The following NREP variants were observed in gnomAD, a reference collection of about 807,000 sequenced individuals.
The protein encoded by NREP is neuronal regeneration-related protein.
A neutral mutation model predicts 8.6 loss-of-function variants in NREP; 5 were observed. The observed-to-expected ratio is 0.58, with a 90% CI of 0.30 to 1.22. The LOEUF is 1.22. NREP is among the 50% of genes most tolerant of loss of function. The probability of loss-of-function intolerance (pLI) is 0.07; values close to 1 mark genes in which losing one functional copy is unlikely to be tolerated. For missense variants in NREP, 86 were observed against 82.5 expected (o/e 1.04, Z -0.17); for synonymous variants, 27 against 28.0 (o/e 0.96, Z 0.11).
chr5:111,932,624 T>C (rs1319314457), intron 2 of NREP, among the ~76,000 whole-genome samples: 2 of 152,138 alleles, frequency 1.3e-5, no homozygotes, highest in Admixed American at 1.3e-4. Context: ...CCTTTTAAAA[T>C]GTTTATTTTA....
intron 2 of NREP, among the ~76,000 whole-genome samples, chr5:111,746,015 G>A (rs750491171): frequency 5.5e-4 from 84 of 151,780 alleles, no homozygotes; most frequent in Non-Finnish European, 1.0e-3. Flanking sequence ...ATTGCAGGTA[G>A]AGTACTGTAT....
chr5:111,744,519 A>C (rs1749880903), intron 2 of NREP, among the ~76,000 whole-genome samples: 1 of 152,058 alleles, frequency 6.6e-6, no homozygotes, highest in Non-Finnish European at 1.5e-5. Flanking sequence ...TTCTAAGAAA[A>C]CTGTCAGAAA....
chr5:111,911,139 T>A (rs543977520), intron 2 of NREP, among the ~76,000 whole-genome samples: 1 of 152,150 alleles, frequency 6.6e-6, no homozygotes, highest in East Asian at 1.9e-4. Context: ...CCCAGCAATC[T>A]GGATATCACC....
intron 2 of NREP, among the ~76,000 whole-genome samples, chr5:111,925,677 A>G (rs760553593): frequency 6.6e-6 from 1 of 152,190 alleles, no homozygotes; most frequent in Non-Finnish European, 1.5e-5. Flanking sequence ...AAGGCCTCTT[A>G]GCCTTTCCAT....
At chr5:111,762,794 G>A (rs1481539769) in intron 2 of NREP, among the ~76,000 whole-genome samples, 2 of 152,172 alleles carry the variant, frequency 1.3e-5, no homozygotes, top group South Asian at 2.1e-4. Context: ...TATCGCAACC[G>A]TGGGAAACTA....
At chr5:111,729,003 C>T (rs1203117811), downstream of NREP, 1 of 151,914 alleles carries the variant, frequency 6.6e-6, no homozygotes, top group Non-Finnish European at 1.5e-5. Context: ...AGTTTTGAAG[C>T]GTATGGGAAT....
chr5:111,888,085 T>C (rs1319452793), intron 2 of NREP, among the ~76,000 whole-genome samples: 4 of 152,034 alleles, frequency 2.6e-5, no homozygotes, highest in Non-Finnish European at 5.9e-5. Flanking sequence ...AGGCTATAGG[T>C]TTGAGGTGAG....
In NREP at chr5:111,960,525, A is replaced by C. The variant is rs181474963; in HGVS notation, c.135+14749T>G. Among the ~76,000 whole-genome samples the C allele has an allele frequency of 1.1e-4, 17 of 152,344 alleles. No homozygotes were observed. In the East Asian group the frequency reaches 3.3e-3, roughly 29 times the overall value. ...TAAATCCATCATCACTGTGAAAAAC[A>C]ATCCAGGGGATAGGTCAAAAACCTC... is the stretch of plus-strand genomic sequence containing the variant. On this transcript the variant is annotated intron_variant, in intron 2 of 3. Transcript: ENST00000395634.
At chr5:111,913,204 A>T (rs1029705169) in intron 2 of NREP, among the ~76,000 whole-genome samples, 7 of 152,118 alleles carry the variant, frequency 4.6e-5, no homozygotes, top group Non-Finnish European at 8.8e-5. Context: ...TTAGGAAATG[A>T]ATAGGAGTCA....
rs111945597 is a variant in NREP at position 111,890,023 on chromosome 5, C to A, written c.135+85251G>T. Among the ~76,000 whole-genome samples the A allele has an allele frequency of 4.9e-3, 753 of 152,194 alleles. 3 individuals carry two copies. Among genetic ancestry groups the A allele is most frequent in the African/African-American group, 0.017 (702 of 41,524 alleles). On this transcript the variant is annotated intron_variant, in intron 2 of 3. Transcript: ENST00000395634. ...AGGTCATCAGTTAAGGAAGGAACTG[C>A]CCATTTTCACTTCTTTTGTGGTTCT...
chr5:111,730,931 T>C lies in NREP; in HGVS notation c.197A>G (p.His66Arg). 1.2e-6 allele frequency: 2 copies of C among 1,613,524 alleles called. No individual in the cohort carries two copies. Among genetic ancestry groups the C allele is most frequent in the Non-Finnish European group, 1.7e-6 (2 of 1,179,754 alleles). The part of the protein sequence containing the change: ...ELRSPRISYL[H>R]FF ...ATGGAGGTGTTACGATTAAAAAAAG[T>C]GGAGGTAACTGATTCTTGGGGAGCG... is the stretch of plus-strand genomic sequence containing the variant. Residue 66 changes from histidine to arginine, a missense_variant, in exon 4 of 4, where the codon CAC becomes CGC. Physicochemically the swap from His to Arg is conservative, Grantham distance 29. Transcript: ENST00000257435.
Position 111,851,681 on chromosome 5 carries a change from C to T in NREP, c.136-116174G>A, listed in dbSNP as rs1196759030. 2.6e-5 allele frequency among the ~76,000 whole-genome samples: 4 copies of T among 152,082 alleles called. No individual in the cohort carries two copies. In the East Asian group the frequency reaches 7.7e-4, roughly 29 times the overall value. The stretch of plus-strand genomic sequence containing the variant: ...GTTGATCAAAGGATACAAAATTTCC[C>T]TTAGAAAGAATAAGCTAAAGAGACC... On this transcript the variant is annotated intron_variant, in intron 2 of 3. Coordinates refer to the NREP transcript ENST00000395634.
chr5:111,756,135 A>T lies in NREP; in HGVS notation c.-58-305T>A, dbSNP rs974918234. ...AACTTAAAAGTAGAACCAAGTGATA[A>T]AAATAGATTGTTTTCTGGCTGCTCT... On this transcript the variant is annotated intron_variant, in intron 1 of 3. Transcript: ENST00000257435. 5.8e-5 allele frequency: 63 copies of T among 1,078,178 alleles called. No homozygotes were observed. In the Admixed American group the frequency reaches 1.5e-3, roughly 26 times the overall value. 66.8% of individuals were successfully genotyped at this position (1,078,178 alleles called of 1,614,324 possible).
chr5:111,945,951 G>A (rs1307490019), intron 2 of NREP, among the ~76,000 whole-genome samples: 1 of 151,940 alleles, frequency 6.6e-6, no homozygotes, highest in Non-Finnish European at 1.5e-5. Context: ...CCAAGGACAA[G>A]TTGTATATAC....
At chr5:111,828,437 G>GA (rs201092175) in intron 2 of NREP, among the ~76,000 whole-genome samples, 9 of 151,048 alleles carry the variant, frequency 6.0e-5, no homozygotes, top group East Asian at 1.9e-4. Flanking sequence ...GAGTATTATA[G>GA]AAAAAAAAAT....
At chr5:111,738,670 G>A (rs947072003) in intron 2 of NREP, 1 of 152,236 alleles carries the variant, frequency 6.6e-6, no homozygotes, top group Non-Finnish European at 1.5e-5. Flanking sequence ...GGGTGGGGCA[G>A]GTACAGCAGG....
intron 2 of NREP, among the ~76,000 whole-genome samples, chr5:111,767,407 G>C (rs1561658407): frequency 6.6e-6 from 1 of 152,108 alleles, no homozygotes; most frequent in Non-Finnish European, 1.5e-5. Flanking sequence ...CTCTAACACA[G>C]ACATCTTTCC....
intron 2 of NREP, among the ~76,000 whole-genome samples, chr5:111,886,026 T>G (rs984348851): frequency 1.3e-5 from 2 of 151,978 alleles, no homozygotes; most frequent in Non-Finnish European, 2.9e-5. Flanking sequence ...ACCATCAGAG[T>G]GAACAGGCAG....
At chr5:111,744,395 CAG>C (rs940567311) in intron 2 of NREP, among the ~76,000 whole-genome samples, 100 of 152,026 alleles carry the variant, frequency 6.6e-4, no homozygotes, top group African/African-American at 2.3e-3. Flanking sequence ...TCACAGGGTA[CAG>C]AATTCTTATC....
Sources: allele counts gnomAD v4.1 joint callset (sites outside exome capture counted in the v4.1 genomes callset), GRCh38; gene constraint gnomAD v4.1.1; transcripts MANE v1.5; gene names NCBI Gene and HGNC (gene_info 2026-07-23, HGNC 2026-07-21).